The following KCNH7 variants were observed in gnomAD, a reference collection of about 807,000 sequenced individuals.
KCNH7 encodes voltage-gated inwardly rectifying potassium channel KCNH7.
Under a neutral mutation model 120.8 loss-of-function variants are expected in KCNH7, and 49 were observed. That is an observed-to-expected ratio of 0.41 (90% CI 0.32 to 0.51). The LOEUF (loss-of-function observed/expected upper bound fraction) is 0.51, where lower values mean the gene tolerates loss of function less well. Ranked by LOEUF, KCNH7 falls within the 20% of genes least tolerant of loss-of-function variation. KCNH7 has a pLI of 0.38. For missense variants in KCNH7, 1,097 were observed against 1,446.6 expected, an observed-to-expected ratio of 0.76 and a Z score of 3.92; for synonymous variants, 547 against 516.1, an observed-to-expected ratio of 1.06 and a Z score of -0.81.
intron 2 of KCNH7, among the ~76,000 whole-genome samples, chr2:162,765,462 C>T (rs1056673458): frequency 6.6e-6 from 1 of 152,234 alleles, no homozygotes; most frequent in South Asian, 2.1e-4. Context: ...TTCTGTGGGG[C>T]TTCTAATATA....
intron 2 of KCNH7, among the ~76,000 whole-genome samples, chr2:162,824,988 G>T (rs566375537): frequency 6.6e-6 from 1 of 151,920 alleles, no homozygotes; most frequent in East Asian, 1.9e-4. Flanking sequence ...AAGAAATATT[G>T]AAATATATAA....
chr2:162,666,899 T>G (rs1186293205), intron 2 of KCNH7, among the ~76,000 whole-genome samples: 4 of 152,162 alleles, frequency 2.6e-5, no homozygotes, highest in African/African-American at 9.6e-5. Context: ...GTCACTGCCA[T>G]GTCCTCTGAC....
intron 5 of KCNH7, among the ~76,000 whole-genome samples, chr2:162,507,858 A>G (rs1400320586): frequency 6.6e-6 from 1 of 151,490 alleles, no homozygotes; most frequent in Non-Finnish European, 1.5e-5. Flanking sequence ...CTTGACTTCA[A>G]TGGTAGTTTT....
At chr2:162,669,114 TAAA>T (rs1170982230) in intron 2 of KCNH7, among the ~76,000 whole-genome samples, 1 of 152,108 alleles carries the variant, frequency 6.6e-6, no homozygotes. Flanking sequence ...GGATATCAAG[TAAA>T]GGGTCATAGA....
intron 2 of KCNH7, among the ~76,000 whole-genome samples, chr2:162,606,371 C>T (rs1682774626): frequency 6.6e-6 from 1 of 151,966 alleles, no homozygotes; most frequent in Non-Finnish European, 1.5e-5. Flanking sequence ...ACCAAAAAAC[C>T]CTGAATTTAT....
chr2:162,408,783 A>G (rs1485066201), intron 9 of KCNH7, among the ~76,000 whole-genome samples: 1 of 151,962 alleles, frequency 6.6e-6, no homozygotes, highest in African/African-American at 2.4e-5. Flanking sequence ...TATAGTCACT[A>G]AACTCTGATT....
chr2:162,581,790 C>A (rs1211900359), intron 2 of KCNH7, among the ~76,000 whole-genome samples: 2 of 151,942 alleles, frequency 1.3e-5, no homozygotes, highest in Non-Finnish European at 2.9e-5. Flanking sequence ...ATATATCTTA[C>A]TTTATTGAAA....
chr2:162,479,691 G>A (rs950733891), intron 6 of KCNH7, among the ~76,000 whole-genome samples: 2 of 151,776 alleles, frequency 1.3e-5, no homozygotes, highest in Admixed American at 6.6e-5. Flanking sequence ...GTGTGTGTGT[G>A]TGTGTGTGTG....
intron 2 of KCNH7, among the ~76,000 whole-genome samples, chr2:162,649,361 A>G (rs956995838): frequency 1.3e-5 from 2 of 152,232 alleles, no homozygotes; most frequent in African/African-American, 4.8e-5. Flanking sequence ...GTTAGAGAAT[A>G]AAAGTATGCC....
At chr2:162,808,747 A>G (rs1042146790) in intron 2 of KCNH7, among the ~76,000 whole-genome samples, 3 of 151,682 alleles carry the variant, frequency 2.0e-5, no homozygotes, top group Non-Finnish European at 2.9e-5. Context: ...AGATATATAT[A>G]CATATAATAA....
At chr2:162,381,515 A>C (rs1457765220) in intron 13 of KCNH7, among the ~76,000 whole-genome samples, 1 of 152,066 alleles carries the variant, frequency 6.6e-6, no homozygotes, top group African/African-American at 2.4e-5. Context: ...CATTGAACAT[A>C]AAGAAATTTC....
At chr2:162,708,139 A>G (rs1559092770) in intron 2 of KCNH7, among the ~76,000 whole-genome samples, 2 of 152,026 alleles carry the variant, frequency 1.3e-5, no homozygotes. Context: ...TATTTTGTTT[A>G]CTGTGAATTT....
At chr2:162,813,590 A>G (rs569357373) in intron 2 of KCNH7, among the ~76,000 whole-genome samples, 21 of 152,360 alleles carry the variant, frequency 1.4e-4, no homozygotes, top group African/African-American at 5.0e-4. Context: ...TTTATCCACT[A>G]TCAACCACTG....
chr2:162,418,302 ATGAGG>A (rs1160901812), intron 9 of KCNH7, among the ~76,000 whole-genome samples: 1 of 152,142 alleles, frequency 6.6e-6, no homozygotes, highest in Non-Finnish European at 1.5e-5. Flanking sequence ...TTATCTGGAT[ATGAGG>A]GCATCATATT....
intron 2 of KCNH7, among the ~76,000 whole-genome samples, chr2:162,808,770 T>C (rs1330323705): frequency 2.0e-5 from 3 of 151,804 alleles, no homozygotes; most frequent in Non-Finnish European, 4.4e-5. Context: ...GAATACTAAT[T>C]ATATTTTTCA....
At chr2:162,582,460 T>C (rs905735483) in intron 2 of KCNH7, among the ~76,000 whole-genome samples, 1 of 152,090 alleles carries the variant, frequency 6.6e-6, no homozygotes, top group Non-Finnish European at 1.5e-5. Flanking sequence ...GAAACTCTCC[T>C]ATTCCATGAC....
chr2:162,549,973 C>G (rs1692612525), intron 2 of KCNH7, among the ~76,000 whole-genome samples: 1 of 152,168 alleles, frequency 6.6e-6, no homozygotes, highest in Non-Finnish European at 1.5e-5. Context: ...CTTCTCAGAA[C>G]TCCACCTAAG....
intron 15 of KCNH7, 66 bp downstream of exon 15, chr2:162,373,403 TC>T: frequency 8.7e-7 from 1 of 1,145,468 alleles, no homozygotes; most frequent in Non-Finnish European, 1.2e-6. Flanking sequence ...CCCAAGTGAT[TC>T]TGATTAGGTG....
At chr2:162,489,644 G>A (rs574417462) in intron 6 of KCNH7, among the ~76,000 whole-genome samples, 65 of 152,222 alleles carry the variant, frequency 4.3e-4, no homozygotes, top group Admixed American at 1.8e-3. Flanking sequence ...CATAACATTT[G>A]ACTTATATTT....
Sources: allele counts gnomAD v4.1 joint callset (sites outside exome capture counted in the v4.1 genomes callset), GRCh38; gene constraint gnomAD v4.1.1; transcripts MANE v1.5; gene names NCBI Gene and HGNC (gene_info 2026-07-23, HGNC 2026-07-21).